The following TEN1 variants were observed in gnomAD, a reference collection of about 807,000 sequenced individuals.
TEN1 encodes TEN1 subunit of CST complex.
Under a neutral mutation model 9.3 loss-of-function variants are expected in TEN1, and 6 were observed. The observed-to-expected ratio is 0.65, with a 90% CI of 0.35 to 1.27. TEN1 has a LOEUF of 1.27. Among genes scored for constraint, TEN1 ranks in the 50% most tolerant of loss-of-function variants. The pLI, the probability that TEN1 is intolerant of heterozygous loss-of-function variation, is 0.03. For synonymous variants in TEN1, 65 were observed against 65.6 expected, an observed-to-expected ratio of 0.99 and a Z score of 0.04; for missense variants, 149 against 158.2, an observed-to-expected ratio of 0.94 and a Z score of 0.31.
rs2066093882 is a variant in TEN1, at chr17:75,979,279, C to T, written c.-239C>T. On this transcript the variant is annotated 5_prime_UTR_variant, in exon 1 of 4. Transcript: ENST00000397640. ...GTGACAGCGGCCCAGACAGAGGGGGCGATGTCCGCGTCGTGGCTGGGGCCG... is the reference window on the plus strand; with the variant it reads ...GTGACAGCGGCCCAGACAGAGGGGGTGATGTCCGCGTCGTGGCTGGGGCCG... 2.9e-6 allele frequency: 2 copies of T among 688,264 alleles called. No homozygotes were observed. The highest frequency in any genetic ancestry group is 1.8e-5 in the African/African-American group (1 of 56,338). 42.6% of individuals were successfully genotyped at this position (688,264 alleles called of 1,614,324 possible). A position where few individuals can be genotyped will look rare whatever the true frequency, so the allele number is the denominator to read the frequency against.
chr17:75,998,583 G>T (rs2066231731), intron 3 of TEN1, among the ~76,000 whole-genome samples: 1 of 152,156 alleles, frequency 6.6e-6, no homozygotes, highest in Non-Finnish European at 1.5e-5. Context: ...CCTGAATTCT[G>T]CCCTCAGGCT....
chr17:75,983,466 G>A (rs1312280655), intron 1 of TEN1, among the ~76,000 whole-genome samples: 2 of 152,116 alleles, frequency 1.3e-5, no homozygotes, highest in East Asian at 3.9e-4. Context: ...ACACACTCGT[G>A]TACACTAGCC....
At chr17:75,986,535 C>G (rs1191235813) in intron 2 of TEN1, among the ~76,000 whole-genome samples, 1 of 151,804 alleles carries the variant, frequency 6.6e-6, no homozygotes, top group East Asian at 1.9e-4. Flanking sequence ...AACCCTGTCT[C>G]TACTAAAAAT....
At chr17:75,988,561 CAAAA>C (rs1189354019) in intron 2 of TEN1, among the ~76,000 whole-genome samples, 2 of 28,988 alleles carry the variant, frequency 6.9e-5, no homozygotes, top group East Asian at 1.2e-3. Context: ...GATCCTGCCT[CAAAA>C]AAAAAAAAAA....
At chr17:75,996,764 GAGAAA>G (rs1391949430) in intron 3 of TEN1, among the ~76,000 whole-genome samples, 1 of 151,200 alleles carries the variant, frequency 6.6e-6, no homozygotes, top group African/African-American at 2.4e-5. Flanking sequence ...AGAAAAGAAA[GAGAAA>G]AGAGAAGAGA....
intron 2 of TEN1, among the ~76,000 whole-genome samples, chr17:75,991,164 AAAAAG>A (rs1440337785): frequency 3.3e-5 from 5 of 150,610 alleles, no homozygotes; most frequent in African/African-American, 9.7e-5. Flanking sequence ...AAAAAAAAAA[AAAAAG>A]AAAAAAGAAA....
rs57508010 is a variant in TEN1, at chr17:75,985,876, A to T, written c.-6-311A>T. On this transcript the variant is annotated intron_variant, in intron 1 of 3. Coordinates refer to ENST00000397640, the MANE Select transcript of TEN1 (RefSeq NM_001113324.3). ...CATGAATGTATATTATATCAAAAAA[A>T]TTTTTTCTTTTTTATATATATTTTT... Among the ~76,000 whole-genome samples the T allele has an allele frequency of 2.7e-3, 407 of 149,716 alleles. 2 individuals carry two copies. Among genetic ancestry groups the T allele is most frequent in the African/African-American group, 9.0e-3 (370 of 40,938 alleles).
intron 3 of TEN1, among the ~76,000 whole-genome samples, chr17:75,997,028 C>G (rs1237362192): frequency 6.6e-6 from 1 of 152,150 alleles, no homozygotes; most frequent in African/African-American, 2.4e-5. Context: ...GCTGCTGCAC[C>G]TTGGACTTGT....
chr17:75,998,277 C>T (rs934747231), intron 3 of TEN1, among the ~76,000 whole-genome samples: 8 of 149,198 alleles, frequency 5.4e-5, no homozygotes, highest in African/African-American at 2.0e-4. Flanking sequence ...AAGTGATTCT[C>T]GTGCCTCAGC....
At chr17:75,995,893 G>C (rs536825558) in intron 3 of TEN1, among the ~76,000 whole-genome samples, 2 of 152,126 alleles carry the variant, frequency 1.3e-5, no homozygotes, top group African/African-American at 2.4e-5. Context: ...AGGAGTTTGA[G>C]ACCAACCTGG....
intron 1 of TEN1, among the ~76,000 whole-genome samples, chr17:75,980,520 T>C (rs2066110254): frequency 6.6e-6 from 1 of 151,362 alleles, no homozygotes; most frequent in South Asian, 2.1e-4. Flanking sequence ...CTCCACCCCC[T>C]GGGTTCAAGC....
At chr17:75,997,512 G>A (rs1234229643) in intron 3 of TEN1, among the ~76,000 whole-genome samples, 1 of 151,770 alleles carries the variant, frequency 6.6e-6, no homozygotes, top group African/African-American at 2.4e-5. Context: ...ACACTGAAAC[G>A]GCCACCGACC....
At chr17:75,983,047 G>A (rs1034306580) in intron 1 of TEN1, among the ~76,000 whole-genome samples, 2 of 151,692 alleles carry the variant, frequency 1.3e-5, no homozygotes, top group African/African-American at 2.4e-5. Context: ...CTGGGAGGCC[G>A]AGGTGGGTGG....
At chr17:75,984,177 G>T (rs1190603557) in intron 1 of TEN1, among the ~76,000 whole-genome samples, 8 of 152,176 alleles carry the variant, frequency 5.3e-5, no homozygotes, top group Non-Finnish European at 1.0e-4. Flanking sequence ...GCAAGAGGGG[G>T]ACTGGCTAGA....
intron 2 of TEN1, among the ~76,000 whole-genome samples, chr17:75,987,683 G>A (rs1009336167): frequency 6.6e-6 from 1 of 151,504 alleles, no homozygotes; most frequent in East Asian, 2.0e-4. Flanking sequence ...TTGGGAGGCC[G>A]AGGCAGGCGG....
chr17:75,996,746 GAAAGA>G (rs1192531598), intron 3 of TEN1, among the ~76,000 whole-genome samples: 4 of 149,612 alleles, frequency 2.7e-5, no homozygotes, highest in East Asian at 1.9e-4. Context: ...GAAAGAAAAA[GAAAGA>G]AAAGAAAAGA....
intron 1 of TEN1, 117 bp downstream of exon 1, chr17:75,979,628 CCT>C (rs1323318891): frequency 5.1e-6 from 1 of 197,678 alleles, no homozygotes; most frequent in East Asian, 1.4e-4. Context: ...TGCCCCTAGG[CCT>C]CTCCGAAATG....
At chr17:75,992,656 G>A (rs2066193326) in intron 3 of TEN1, among the ~76,000 whole-genome samples, 1 of 151,346 alleles carries the variant, frequency 6.6e-6, no homozygotes, top group South Asian at 2.1e-4. Flanking sequence ...GGGACTATGG[G>A]CGCCCGCCAC....
intron 2 of TEN1, among the ~76,000 whole-genome samples, chr17:75,990,238 A>G (rs2144353221): frequency 6.7e-6 from 1 of 149,996 alleles, no homozygotes; most frequent in Non-Finnish European, 1.5e-5. Flanking sequence ...TAGTAGAGAC[A>G]GGGTTTCAAC....
Sources: gnomAD v4.1 joint callset for allele counts (sites outside exome capture counted in the v4.1 genomes callset) on GRCh38, gnomAD v4.1.1 for gene constraint, MANE v1.5 for transcripts, NCBI Gene and HGNC (gene_info 2026-07-23, HGNC 2026-07-21) for gene names.